The following PUS7 variants were observed in gnomAD, a reference collection of about 807,000 sequenced individuals.
The protein encoded by PUS7 is pseudouridylate synthase 7 homolog.
A neutral mutation model predicts 79.8 loss-of-function variants in PUS7; 48 were observed. The ratio of observed to expected loss-of-function variants is 0.60; its 90% CI spans 0.48 to 0.76. PUS7 has a LOEUF of 0.76. Among genes scored for constraint, PUS7 ranks in the 30% least tolerant of loss-of-function variants. PUS7 has a pLI of 0.00. For missense variants in PUS7, 729 were observed against 797.6 expected, an observed-to-expected ratio of 0.91 and a Z score of 1.04; for synonymous variants, 286 against 272.2, an observed-to-expected ratio of 1.05 and a Z score of -0.50.
chr7:105,494,064 T>C (rs1824904487), intron 6 of PUS7, among the ~76,000 whole-genome samples: 1 of 152,206 alleles, frequency 6.6e-6, no homozygotes, highest in South Asian at 2.1e-4. Context: ...CAGTCTCTGC[T>C]ATATTTACAT....
intron 6 of PUS7, among the ~76,000 whole-genome samples, chr7:105,491,917 C>T (rs1021882346): frequency 6.6e-6 from 1 of 151,750 alleles, no homozygotes; most frequent in African/African-American, 2.4e-5. Context: ...ATTAGCTGGG[C>T]GTGGTAGTGT....
intron 1 of PUS7, 29 bp from the exon 2 acceptor site, chr7:105,508,573 C>A: frequency 6.4e-7 from 1 of 1,560,484 alleles, no homozygotes; most frequent in Non-Finnish European, 8.6e-7. Flanking sequence ...AAGTAACAAT[C>A]ACCTATATAA....
chr7:105,475,218 C>T (rs1288222262), intron 9 of PUS7, among the ~76,000 whole-genome samples: 3 of 152,086 alleles, frequency 2.0e-5, no homozygotes, highest in Non-Finnish European at 2.9e-5. Flanking sequence ...TGGAGTCTCG[C>T]TCTGTCACCC....
chr7:105,501,521 AT>A (rs1825248225), intron 5 of PUS7, among the ~76,000 whole-genome samples: 1 of 152,200 alleles, frequency 6.6e-6, no homozygotes, highest in Admixed American at 6.5e-5. Flanking sequence ...CAAATGAATG[AT>A]ACACAACAAA....
At chr7:105,492,298 C>T (rs1173007190) in intron 6 of PUS7, among the ~76,000 whole-genome samples, 1 of 151,150 alleles carries the variant, frequency 6.6e-6, no homozygotes, top group African/African-American at 2.4e-5. Context: ...TAAAAAAAAA[C>T]AAAAAAGGTA....
In PUS7 at chr7:105,465,516, T is replaced by C. The variant is rs1823603236; in HGVS notation, c.1526-102A>G. On this transcript the variant is annotated intron_variant, in intron 12 of 15. Transcript: ENST00000469408. ...CATCTAAGCAAGTCAGAAGTACAAG[T>C]TGGTACAGGTTCAGTGACTTAAAAG... The C allele has an allele frequency of 4.7e-6, 4 of 848,908 alleles. No homozygotes were observed. The East Asian group carries it at 1.1e-4, about 23-fold the overall frequency. 52.6% of individuals were successfully genotyped at this position (848,908 alleles called of 1,614,324 possible). A position where few individuals can be genotyped will look rare whatever the true frequency, so the allele number is the denominator to read the frequency against.
rs578247128 is a variant in PUS7 at position 105,467,751 on chromosome 7, G to A, written c.1525+586C>T. Among the ~76,000 whole-genome samples the A allele has an allele frequency of 5.3e-5, 8 of 151,900 alleles. No individual in the cohort carries two copies. The South Asian group carries it at 1.0e-3, about 20-fold the overall frequency. On this transcript the variant is annotated intron_variant, in intron 12 of 15. Coordinates refer to ENST00000469408, the MANE Select transcript of PUS7 (RefSeq NM_019042.5). The stretch of plus-strand genomic sequence containing the variant: ...CCAGAGAGAGGTGCTTACTCAGGCC[G>A]GGCACAGTGGCTCACACTTGTAATC...
At position 105,457,661 on chromosome 7, in the gene PUS7, TA is replaced by T; in HGVS notation, c.*128del. On this transcript the variant is annotated 3_prime_UTR_variant, in exon 16 of 16. Transcript: ENST00000469408. The stretch of plus-strand genomic sequence containing the variant: ...TTATTTCTTTAAGCTAATAAAAACT[TA>T]AAAATACAAATAATTTTTATTACAA... The T allele has an allele frequency of 2.1e-6, 2 of 972,620 alleles. No individual in the cohort carries two copies. The highest frequency in any genetic ancestry group is 2.9e-6 in the Non-Finnish European group (2 of 691,138). The allele number at this position is 972,620 out of a possible 1,614,324, so 60.2% of individuals were successfully genotyped here. A position where few individuals can be genotyped will look rare whatever the true frequency, so the allele number is the denominator to read the frequency against.
chr7:105,470,594 T>C lies in PUS7; in HGVS notation c.1398+94A>G, dbSNP rs541497843. 4 of 1,367,492 alleles carry C rather than the reference T, an allele frequency of 2.9e-6. No individual in the cohort carries two copies. In the East Asian group the frequency reaches 7.1e-5, roughly 24 times the overall value. The allele number at this position is 1,367,492 out of a possible 1,614,324, so 84.7% of individuals were successfully genotyped here. A position where few individuals can be genotyped will look rare whatever the true frequency, so the allele number is the denominator to read the frequency against. On this transcript the variant is annotated intron_variant, in intron 11 of 15. Transcript: ENST00000469408. ...CACCAAAGGATCCTTATTTACCTTC[T>C]GCTCTTTCAAAGTTTAGTAAAATCT...
rs76805092 is a variant in PUS7, at chr7:105,512,289, A to C, written c.-32-3745T>G. Among the ~76,000 whole-genome samples the C allele has an allele frequency of 3.7e-4, 57 of 152,144 alleles. No homozygotes were observed. The East Asian group carries it at 9.8e-3, about 26-fold the overall frequency. On this transcript the variant is annotated intron_variant, in intron 1 of 15. Coordinates refer to ENST00000469408, the MANE Select transcript of PUS7 (RefSeq NM_019042.5). Reference sequence around the variant, plus strand: ...CCCTAATTCAAAGAAAAAAGCATTTACTCTTTGTCCTGAACAGGTGTAGTC... The same window carrying C: ...CCCTAATTCAAAGAAAAAAGCATTTCCTCTTTGTCCTGAACAGGTGTAGTC...
chr7:105,479,322 T>C (rs982450464), intron 9 of PUS7, among the ~76,000 whole-genome samples: 1 of 152,200 alleles, frequency 6.6e-6, no homozygotes, highest in African/African-American at 2.4e-5. Context: ...TGCAACTTCA[T>C]AGTTTAGATG....
intron 7 of PUS7, among the ~76,000 whole-genome samples, chr7:105,490,111 TAA>T (rs148584351): frequency 4.3e-4 from 41 of 94,608 alleles, no homozygotes; most frequent in Admixed American, 4.5e-4. Context: ...ACAGCAAGAC[TAA>T]AAAAAAAAAA....
chr7:105,462,876 T>A (rs1308122598), intron 13 of PUS7, 126 bp from the exon 14 acceptor site: 4 of 880,764 alleles, frequency 4.5e-6, no homozygotes, highest in Non-Finnish European at 6.8e-6. Context: ...TCACCTTAAT[T>A]TATAATCCAA....
rs1586123052 is a variant in PUS7, at chr7:105,480,902, G to A, written c.1175+150C>T. 7.0e-6 allele frequency: 6 copies of A among 853,806 alleles called. No individual in the cohort carries two copies. In the East Asian group the frequency reaches 1.4e-4, roughly 20 times the overall value. The allele number at this position is 853,806 out of a possible 1,614,324, so 52.9% of individuals were successfully genotyped here. A position where few individuals can be genotyped will look rare whatever the true frequency, so the allele number is the denominator to read the frequency against. ...TTTGAACTCCGATTTTTTACCCTGT[G>A]CACTCATTAACTTAAAACAAAAATC... On this transcript the variant is annotated intron_variant, in intron 9 of 15. Coordinates refer to ENST00000469408, the MANE Select transcript of PUS7 (RefSeq NM_019042.5).
intron 2 of PUS7, among the ~76,000 whole-genome samples, chr7:105,506,670 A>G (rs1320087625): frequency 6.6e-6 from 1 of 151,990 alleles, no homozygotes; most frequent in East Asian, 1.9e-4. Flanking sequence ...TGATCTGCCC[A>G]TCTTGGCCTC....
In PUS7 at chr7:105,457,861, T is replaced by C. The variant is rs750950337; in HGVS notation, c.1915A>G (p.Ile639Val). 6.2e-6 allele frequency: 10 copies of C among 1,614,112 alleles called. No homozygotes were observed. Among genetic ancestry groups the C allele is most frequent in the Non-Finnish European group, 8.5e-6 (10 of 1,179,968 alleles). ...LPPSTYATMA[I>V]REVLKMDTSI... is the part of the protein sequence containing the mutation. ...GTATCCATTTTTAGCACTTCTCGAA[T>C]GGCCATGGTGGCGTAAGTAGAAGGG... is the stretch of plus-strand genomic sequence containing the variant. The change falls in exon 16 of 16, where the codon ATT becomes GTT. Residue 639 changes from isoleucine to valine, a missense_variant. By Grantham distance (29) the Ile-to-Val change is conservative. Coordinates refer to ENST00000469408, the MANE Select transcript of PUS7 (RefSeq NM_019042.5).
intron 1 of PUS7, among the ~76,000 whole-genome samples, chr7:105,517,453 G>A (rs974532286): frequency 2.8e-4 from 42 of 152,254 alleles, no homozygotes; most frequent in African/African-American, 9.6e-4. Flanking sequence ...GAGCCACCAC[G>A]CCTGGCCAAT....
At chr7:105,458,424 C>T (rs953018430) in intron 15 of PUS7, among the ~76,000 whole-genome samples, 9 of 151,334 alleles carry the variant, frequency 5.9e-5, no homozygotes, top group African/African-American at 2.2e-4. Context: ...CCACGCCCGC[C>T]TAATTTTTTT....
At chr7:105,509,675 G>A (rs747903715) in intron 1 of PUS7, among the ~76,000 whole-genome samples, 9 of 151,818 alleles carry the variant, frequency 5.9e-5, no homozygotes, top group Non-Finnish European at 8.8e-5. Flanking sequence ...ACTAGGTCTC[G>A]CTATTATTGC....
Sources: gnomAD v4.1 joint callset for allele counts (sites outside exome capture counted in the v4.1 genomes callset) on GRCh38, gnomAD v4.1.1 for gene constraint, MANE v1.5 for transcripts, NCBI Gene and HGNC (gene_info 2026-07-23, HGNC 2026-07-21) for gene names.